The following INPPL1 variants were observed in gnomAD, a reference collection of about 807,000 sequenced individuals.
INPPL1 encodes phosphatidylinositol 3,4,5-trisphosphate 5-phosphatase 2.
A neutral mutation model predicts 139.3 loss-of-function variants in INPPL1; 91 were observed. That is an observed-to-expected ratio of 0.65 (90% CI 0.55 to 0.78). The LOEUF (loss-of-function observed/expected upper bound fraction) is 0.78, where lower values mean the gene tolerates loss of function less well. INPPL1 is among the 30% of genes least tolerant of loss of function. The pLI is 0.00. For missense variants in INPPL1, 1,411 were observed against 1,665.6 expected, an observed-to-expected ratio of 0.85 and a Z score of 2.66; for synonymous variants, 719 against 686.6, an observed-to-expected ratio of 1.05 and a Z score of -0.74.
At chr11:72,233,408 C>T (rs781773919) in intron 17 of INPPL1, 33 bp from the exon 18 acceptor site, 1 of 1,592,172 alleles carries the variant, frequency 6.3e-7, no homozygotes, top group Non-Finnish European at 8.6e-7. Context: ...TCCTAGCTGT[C>T]AGCTCTAACC....
intron 10 of INPPL1, 146 bp from the exon 11 acceptor site, chr11:72,230,650 C>A: frequency 2.4e-6 from 2 of 836,896 alleles, no homozygotes; most frequent in Non-Finnish European, 1.9e-6. Context: ...CATTTGCCAG[C>A]ACTGTTATAT....
chr11:72,235,584 G>T lies in INPPL1; in HGVS notation c.2660-91G>T. The T allele has an allele frequency of 6.4e-7, 1 of 1,573,660 alleles. No individual in the cohort carries two copies. The highest frequency in any genetic ancestry group is 1.1e-5 in the South Asian group (1 of 87,986). On this transcript the variant is annotated intron_variant, in intron 23 of 27. Transcript: ENST00000298229. The surrounding 1 kb of genome is among the most constrained non-coding windows in gnomAD (Gnocchi z 4.9). ...CAGCTGGGAATAGTCCTGCCCCAAGGCATAGCTGGGAAAGGGCTGGCAGGC... is the reference window on the plus strand; with the variant it reads ...CAGCTGGGAATAGTCCTGCCCCAAGTCATAGCTGGGAAAGGGCTGGCAGGC...
Position 72,237,660 on chromosome 11 carries a change from G to A in INPPL1, c.3416G>A (p.Gly1139Glu). 6 of 1,611,716 alleles carry A rather than the reference G, an allele frequency of 3.7e-6. No individual in the cohort carries two copies. Among genetic ancestry groups the A allele is most frequent in the Non-Finnish European group, 5.1e-6 (6 of 1,179,242 alleles). ...AGCGAGGTGGACTATGCCCCTGCTG[G>A]GCCTGCACGCTCAGCGCTCCTCCCA... ...TLSEVDYAPA[G>E]PARSALLPGP... Residue 1139 changes from glycine (G) to glutamate (E), a missense_variant, in exon 26 of 28, where the codon GGG (glycine) becomes GAG (glutamate). Gly to Glu is a moderately conservative substitution (Grantham distance 98). This residue lies in a region of INPPL1 where 438 missense variants were observed against 425.7 expected (regional missense o/e 1.03). Coordinates refer to ENST00000298229, the MANE Select transcript of INPPL1 (RefSeq NM_001567.4).
chr11:72,230,335 C>T (rs1220912776), intron 9 of INPPL1, 27 bp from the exon 10 acceptor site: 4 of 1,613,752 alleles, frequency 2.5e-6, no homozygotes, highest in Non-Finnish European at 3.4e-6. Flanking sequence ...GGGCACAGGC[C>T]CATGTGACCG....
At chr11:72,232,039 C>T (rs1185393641) in intron 13 of INPPL1, among the ~76,000 whole-genome samples, 1 of 152,168 alleles carries the variant, frequency 6.6e-6, no homozygotes, top group Non-Finnish European at 1.5e-5. Flanking sequence ...AGACTCAGGC[C>T]ATCCACACAG....
chr11:72,238,362 G>A lies in INPPL1; in HGVS notation c.*9G>A, dbSNP rs759547040. 5 of 1,526,910 alleles carry A rather than the reference G, an allele frequency of 3.3e-6. No homozygotes were observed. The highest frequency in any genetic ancestry group is 1.8e-4 in the Middle Eastern group (1 of 5,542). 94.6% of individuals were successfully genotyped at this position (1,526,910 alleles called of 1,614,324 possible). On this transcript the variant is annotated 3_prime_UTR_variant, in exon 28 of 28. Transcript: ENST00000298229. Reference sequence around the variant, plus strand: ...TGCAGCTCAGCAAGTGATAGCGGAGGCACCACGAAGCTGTGAACTCAGAGC... The same window carrying A: ...TGCAGCTCAGCAAGTGATAGCGGAGACACCACGAAGCTGTGAACTCAGAGC...
chr11:72,238,019 C>T (rs777820912), intron 26 of INPPL1, 23 bp from the exon 27 acceptor site: 2 of 1,520,594 alleles, frequency 1.3e-6, no homozygotes, highest in Non-Finnish European at 1.8e-6. Context: ...CTCAGCTCCC[C>T]CTGACATGCC....
chr11:72,224,173 C>T (rs1591264858), upstream of INPPL1, among the ~76,000 whole-genome samples: 1 of 151,970 alleles, frequency 6.6e-6, no homozygotes, highest in South Asian at 2.1e-4. Context: ...CTCGTCTGGG[C>T]CCCCCGCCAG....
chr11:72,238,409 A>G lies in INPPL1; in HGVS notation c.*56A>G. On this transcript the variant is annotated 3_prime_UTR_variant, in exon 28 of 28. Coordinates refer to ENST00000298229, the MANE Select transcript of INPPL1 (RefSeq NM_001567.4). The stretch of plus-strand genomic sequence containing the variant: ...GAGCCCCTCCCTGCTACCAAGGCCC[A>G]GCTATGGCCCCAGGGTTGAAAAGTT... The G allele has an allele frequency of 7.0e-7, 1 of 1,438,310 alleles. No homozygotes were observed. Among genetic ancestry groups the G allele is most frequent in the Non-Finnish European group, 9.3e-7 (1 of 1,072,962 alleles). The allele number at this position is 1,438,310 out of a possible 1,614,324, so 89.1% of individuals were successfully genotyped here. A position where few individuals can be genotyped will look rare whatever the true frequency, so the allele number is the denominator to read the frequency against.
At chr11:72,231,693 TGC>T in intron 13 of INPPL1, 78 bp downstream of exon 13, 1 of 1,048,136 alleles carries the variant, frequency 9.5e-7, no homozygotes, top group Non-Finnish European at 1.5e-6. Flanking sequence ...AGCCTAGGAT[TGC>T]CCCATTTTTG....
At chr11:72,227,882 T>G (rs936908161) in intron 1 of INPPL1, 3 of 438,886 alleles carry the variant, frequency 6.8e-6, no homozygotes, top group African/African-American at 6.0e-5. Flanking sequence ...GAGGGGCTGT[T>G]TAGACAGCTG....
rs1409062876 is a variant in INPPL1, at chr11:72,235,055, G to A, written c.2416-61G>A. On this transcript the variant is annotated intron_variant, in intron 21 of 27. Transcript: ENST00000298229. This position sits in a 1 kb window ranked among gnomAD's most constrained non-coding sequence, Gnocchi z 4.9. The stretch of plus-strand genomic sequence containing the variant: ...ATTGAGTGGTGTCAGGGGGCAGCGC[G>A]TAGGAGGGGCAGGAGGAAGTGGCGG... 2.1e-5 allele frequency: 29 copies of A among 1,401,218 alleles called. No individual in the cohort carries two copies. The highest frequency in any genetic ancestry group is 3.5e-5 in the Admixed American group (2 of 57,390). 86.8% of individuals were successfully genotyped at this position (1,401,218 alleles called of 1,614,324 possible).
At chr11:72,227,850 C>G (rs2135420704) in intron 1 of INPPL1, 1 of 380,274 alleles carries the variant, frequency 2.6e-6, no homozygotes, top group East Asian at 5.7e-5. Flanking sequence ...TGGCGGGGAG[C>G]CCAGACTGGT....
chr11:72,236,765 C>T (rs1312663857), intron 25 of INPPL1, among the ~76,000 whole-genome samples: 1 of 152,212 alleles, frequency 6.6e-6, no homozygotes, highest in Non-Finnish European at 1.5e-5. Flanking sequence ...AGCGGATTGA[C>T]TGTGGGTGCC....
chr11:72,224,903 C>G lies in INPPL1; in HGVS notation c.-82C>G. On this transcript the variant is annotated 5_prime_UTR_variant, in exon 1 of 28. Transcript: ENST00000298229. ...GATCCTCAAGCCCGGGCCCCGGGCC[C>G]GGCCCCAGCCTCAGCCCTGAGCGTC... is the stretch of plus-strand genomic sequence containing the variant. 1 of 964,226 alleles carries G rather than the reference C, an allele frequency of 1.0e-6. No homozygotes were observed. Among genetic ancestry groups the G allele is most frequent in the Non-Finnish European group, 1.2e-6 (1 of 800,420 alleles). The allele number at this position is 964,226 out of a possible 1,614,324, so 59.7% of individuals were successfully genotyped here. A position where few individuals can be genotyped will look rare whatever the true frequency, so the allele number is the denominator to read the frequency against.
intron 12 of INPPL1, 95 bp downstream of exon 12, chr11:72,231,284 C>T: frequency 8.0e-7 from 1 of 1,246,442 alleles, no homozygotes; most frequent in South Asian, 1.3e-5. Flanking sequence ...AGCACAGCTT[C>T]ACTGGCTTTT....
At position 72,234,226 on chromosome 11, in the gene INPPL1, A is replaced by T; in HGVS notation, c.2213-55A>T. Reference sequence around the variant, plus strand: ...TCCCAGGGCCCTGTTTCTCTGTCCCATTCCTCCTGTGATCCTCTCAGTCCT... The same window carrying T: ...TCCCAGGGCCCTGTTTCTCTGTCCCTTTCCTCCTGTGATCCTCTCAGTCCT... On this transcript the variant is annotated intron_variant, in intron 19 of 27. Transcript: ENST00000298229. This position sits in a 1 kb window ranked among gnomAD's most constrained non-coding sequence, Gnocchi z 4.2. The T allele has an allele frequency of 7.3e-7, 1 of 1,362,986 alleles. No individual in the cohort carries two copies. The highest frequency in any genetic ancestry group is 1.4e-5 in the African/African-American group (1 of 69,370). The allele number at this position is 1,362,986 out of a possible 1,614,324, so 84.4% of individuals were successfully genotyped here.
chr11:72,234,446 A>C lies in INPPL1; in HGVS notation c.2326+52A>C, dbSNP rs1565394072. 6.3e-7 allele frequency: 1 copy of C among 1,593,176 alleles called. No individual in the cohort carries two copies. The highest frequency in any genetic ancestry group is 8.6e-7 in the Non-Finnish European group (1 of 1,161,150). Reference sequence around the variant, plus strand: ...TGGGCCAAGGAGGATGGGAGGCAAGAGGGTGCAGTCAGCCCCCTACTTAGG... The same window carrying C: ...TGGGCCAAGGAGGATGGGAGGCAAGCGGGTGCAGTCAGCCCCCTACTTAGG... On this transcript the variant is annotated intron_variant, in intron 20 of 27. Coordinates refer to ENST00000298229, the MANE Select transcript of INPPL1 (RefSeq NM_001567.4). This position sits in a 1 kb window ranked among gnomAD's most constrained non-coding sequence, Gnocchi z 4.2.
rs1257020090 is a variant in INPPL1, at chr11:72,235,604, G to A, written c.2660-71G>A. 4.4e-6 allele frequency: 7 copies of A among 1,587,434 alleles called. No individual in the cohort carries two copies. Among genetic ancestry groups the A allele is most frequent in the Admixed American group, 1.7e-5 (1 of 58,502 alleles). On this transcript the variant is annotated intron_variant, in intron 23 of 27. Coordinates refer to ENST00000298229, the MANE Select transcript of INPPL1 (RefSeq NM_001567.4). The surrounding 1 kb of genome is among the most constrained non-coding windows in gnomAD (Gnocchi z 4.9). ...CCAAGGCATAGCTGGGAAAGGGCTG[G>A]CAGGCCCACTGGGTGTCTGTGGGAT...
Sources: allele counts gnomAD v4.1 joint callset (sites outside exome capture counted in the v4.1 genomes callset), GRCh38; gene constraint gnomAD v4.1.1; regional missense constraint gnomAD v4.1.1; non-coding constraint Gnocchi (gnomAD v3.1); transcripts MANE v1.5; gene names NCBI Gene and HGNC (gene_info 2026-07-23, HGNC 2026-07-21).